The following FNDC3B variants were observed in gnomAD, a reference collection of about 807,000 sequenced individuals.
FNDC3B encodes fibronectin type III domain-containing protein 3B.
Under a neutral mutation model 151.5 loss-of-function variants are expected in FNDC3B, and 12 were observed. The observed-to-expected ratio is 0.08, with a 90% confidence interval of 0.05 to 0.13. The LOEUF is 0.13. Ranked by LOEUF, FNDC3B falls within the 10% of genes least tolerant of loss-of-function variation. FNDC3B has a pLI of 1.00. For missense variants in FNDC3B, 1,214 were observed against 1,505.3 expected (o/e 0.81, Z 3.20); for synonymous variants, 528 against 549.0 (o/e 0.96, Z 0.54).
chr3:172,255,061 T>A (rs575846097), intron 6 of FNDC3B, among the ~76,000 whole-genome samples: 3 of 152,338 alleles, frequency 2.0e-5, no homozygotes, highest in African/African-American at 7.2e-5. Flanking sequence ...GGATCACCTC[T>A]CATCTGAGAT....
chr3:172,310,819 T>A lies in FNDC3B; in HGVS notation c.1201-9T>A. The A allele has an allele frequency of 2.5e-6, 4 of 1,605,414 alleles. No individual in the cohort carries two copies. Among genetic ancestry groups the A allele is most frequent in the Non-Finnish European group, 3.4e-6 (4 of 1,172,062 alleles). Reference sequence around the variant, plus strand: ...ACTTTCTCTAATCTCATGTTACTATTTTTTTTAGGCACCAATTGACAACGG... The same window carrying A: ...ACTTTCTCTAATCTCATGTTACTATATTTTTTAGGCACCAATTGACAACGG... On this transcript the variant is annotated splice_polypyrimidine_tract_variant and intron_variant, in intron 10 of 25. Coordinates refer to ENST00000415807, the MANE Select transcript of FNDC3B (RefSeq NM_022763.4).
In FNDC3B at chr3:172,281,441, G is replaced by T. The variant is rs139810061; in HGVS notation, c.791-4485G>T. ...ATTCAACTGCTAAGAAGGCAGCAAT[G>T]TAGAAAATGGTTTTCATGTTCATTT... On this transcript the variant is annotated intron_variant, in intron 6 of 25. Transcript: ENST00000415807. Among the ~76,000 whole-genome samples the T allele has an allele frequency of 6.6e-5, 10 of 152,206 alleles. No individual in the cohort carries two copies. The East Asian group carries it at 1.9e-3, about 29-fold the overall frequency.
At chr3:172,274,973 T>C (rs542560249) in intron 6 of FNDC3B, among the ~76,000 whole-genome samples, 3 of 152,364 alleles carry the variant, frequency 2.0e-5, no homozygotes, top group East Asian at 1.9e-4. Context: ...CCAGATTTTT[T>C]TGGTCATCCA....
chr3:172,233,975 A>G (rs554384816), intron 4 of FNDC3B, among the ~76,000 whole-genome samples: 54 of 152,202 alleles, frequency 3.5e-4, no homozygotes, highest in South Asian at 6.2e-4. Flanking sequence ...CTTGTGGCTT[A>G]TTTTGTCCAA....
chr3:172,041,393 C>G (rs1560377979), intron 1 of FNDC3B, among the ~76,000 whole-genome samples: 4 of 147,188 alleles, frequency 2.7e-5, no homozygotes, highest in Non-Finnish European at 6.0e-5. Context: ...CTTTTTCTTT[C>G]TTTCTTTCTC....
At chr3:172,322,393 C>T (rs1056484503) in intron 11 of FNDC3B, among the ~76,000 whole-genome samples, 4 of 152,200 alleles carry the variant, frequency 2.6e-5, no homozygotes, top group African/African-American at 9.7e-5. Flanking sequence ...CACACCCAGC[C>T]TTGGCTTCAT....
intron 19 of FNDC3B, among the ~76,000 whole-genome samples, chr3:172,345,486 A>G (rs1733559708): frequency 6.6e-6 from 1 of 152,172 alleles, no homozygotes; most frequent in Non-Finnish European, 1.5e-5. Context: ...GAAATTAACC[A>G]TATATATCGC....
chr3:172,323,323 G>A (rs1732183032), intron 11 of FNDC3B, among the ~76,000 whole-genome samples: 1 of 152,012 alleles, frequency 6.6e-6, no homozygotes, highest in Non-Finnish European at 1.5e-5. Context: ...CCAGGGGTTC[G>A]AGATCAGCCC....
At position 172,246,398 on chromosome 3, in the gene FNDC3B, C is replaced by G. The variant is rs74791682; in HGVS notation, c.265-1135C>G. ...GAGGTCCCTGAAGCCTTTCCTGATT[C>G]TCCCATCTCACGTTATCATTCTCTG... On this transcript the variant is annotated intron_variant, in intron 4 of 25. Transcript: ENST00000415807. Among the ~76,000 whole-genome samples, 9 of 152,360 alleles carry G rather than the reference C, an allele frequency of 5.9e-5. No homozygotes were observed. In the East Asian group the frequency reaches 1.7e-3, roughly 29 times the overall value.
chr3:172,099,017 C>G (rs1719236318), intron 1 of FNDC3B, among the ~76,000 whole-genome samples: 1 of 152,210 alleles, frequency 6.6e-6, no homozygotes, highest in Non-Finnish European at 1.5e-5. Flanking sequence ...GTCAGGCTAA[C>G]AGTGACTGGC....
intron 11 of FNDC3B, among the ~76,000 whole-genome samples, chr3:172,313,877 G>A (rs1045951509): frequency 6.6e-6 from 1 of 152,194 alleles, no homozygotes; most frequent in Non-Finnish European, 1.5e-5. Context: ...GAACAGTCTG[G>A]CAGTCTGTGT....
chr3:172,207,353 C>G (rs955069472), intron 3 of FNDC3B, among the ~76,000 whole-genome samples: 1 of 152,076 alleles, frequency 6.6e-6, no homozygotes, highest in Non-Finnish European at 1.5e-5. Context: ...ATTAAAAATA[C>G]AATGGGTATC....
At chr3:172,151,473 T>A (rs1193840663) in intron 3 of FNDC3B, among the ~76,000 whole-genome samples, 1 of 152,148 alleles carries the variant, frequency 6.6e-6, no homozygotes, top group Non-Finnish European at 1.5e-5. Context: ...CAACCTCTTT[T>A]TTTTTCCTAC....
At chr3:172,212,304 T>C (rs539940367) in intron 3 of FNDC3B, among the ~76,000 whole-genome samples, 1 of 152,346 alleles carries the variant, frequency 6.6e-6, no homozygotes, top group Non-Finnish European at 1.5e-5. Context: ...ACTTAGCTAA[T>C]TGGACTCAAG....
chr3:172,301,928 A>C (rs936868293), intron 9 of FNDC3B: 1 of 152,182 alleles, frequency 6.6e-6, no homozygotes, highest in Non-Finnish European at 1.5e-5. Context: ...TTAGAAAGTG[A>C]TGGAAGTCTG....
chr3:172,392,798 C>CTTTTTT (rs11450405), intron 25 of FNDC3B, among the ~76,000 whole-genome samples: 2 of 86,280 alleles, frequency 2.3e-5, no homozygotes, highest in African/African-American at 7.0e-5. Flanking sequence ...TGAATTTTTT[C>CTTTTTT]TTTTTTTTTT....
chr3:172,323,028 T>TTTTGTTTG (rs56787564), intron 11 of FNDC3B, among the ~76,000 whole-genome samples: 39,355 of 151,638 alleles, frequency 0.26, 5,343 homozygotes, highest in South Asian at 0.38. Flanking sequence ...GTGTTTTAGT[T>TTTTGTTTG]TTTGTTTGTT....
At chr3:172,142,927 T>C (rs1721702653) in intron 3 of FNDC3B, among the ~76,000 whole-genome samples, 1 of 152,220 alleles carries the variant, frequency 6.6e-6, no homozygotes, top group South Asian at 2.1e-4. Context: ...AGTTTCTCTC[T>C]GTGTCCTCAC....
chr3:172,252,316 G>A (rs1294579771), intron 6 of FNDC3B, among the ~76,000 whole-genome samples: 1 of 152,032 alleles, frequency 6.6e-6, no homozygotes, highest in African/African-American at 2.4e-5. Context: ...GATAAGGTAG[G>A]TGAGTTTATA....
Sources: gnomAD v4.1 joint callset for allele counts (sites outside exome capture counted in the v4.1 genomes callset) on GRCh38, gnomAD v4.1.1 for gene constraint, MANE v1.5 for transcripts, NCBI Gene and HGNC (gene_info 2026-07-23, HGNC 2026-07-21) for gene names.